Variants in WDCP observed in about 807,000 individuals in gnomAD.
The protein encoded by WDCP is WD repeat and coiled coil containing.
A neutral mutation model predicts 41.6 loss-of-function variants in WDCP; 19 were observed. The observed-to-expected ratio is 0.46, with a 90% CI of 0.32 to 0.67. The LOEUF (loss-of-function observed/expected upper bound fraction) is 0.67, where lower values mean the gene tolerates loss of function less well. Ranked by LOEUF, WDCP falls within the 30% of genes least tolerant of loss-of-function variation. WDCP has a pLI of 0.04. For missense variants in WDCP, 802 were observed against 850.7 expected (o/e 0.94, Z 0.71); for synonymous variants, 302 against 320.8 (o/e 0.94, Z 0.63).
chr2:24,031,825 C>CA (rs545558415), intron 3 of WDCP, among the ~76,000 whole-genome samples: 1,517 of 115,438 alleles, frequency 0.013, 14 homozygotes, highest in South Asian at 0.048. Context: ...GACTCGGTCT[C>CA]AAAAAAAAAA....
chr2:24,037,706 C>G lies in WDCP; in HGVS notation c.1789G>C (p.Asp597His). 6.2e-7 allele frequency: 1 copy of G among 1,613,404 alleles called. No individual in the cohort carries two copies. Residue 597 changes from aspartate to histidine, a missense_variant, in exon 2 of 4, where the codon GAT becomes CAT. By Grantham distance (81) the Asp-to-His change is moderately conservative. Coordinates refer to ENST00000295148, the MANE Select transcript of WDCP (RefSeq NM_025203.3). ...TAAATGATGTGAACATAAGGAAGAT[C>G]TTGAGAGAGTGGATACACTGAAGAG... ...KSSSVYPLSQ[D>H]LPYVHIIYQK...
At chr2:24,043,702 C>T (rs1437111665) in intron 1 of WDCP, among the ~76,000 whole-genome samples, 2 of 152,204 alleles carry the variant, frequency 1.3e-5, no homozygotes, top group African/African-American at 4.8e-5. Flanking sequence ...TTCCCTGTCA[C>T]TGAATCTAAA....
chr2:24,045,640 A>C (rs1663597137), intron 1 of WDCP, among the ~76,000 whole-genome samples: 1 of 134,682 alleles, frequency 7.4e-6, no homozygotes, highest in Admixed American at 7.4e-5. Flanking sequence ...AGAGGAAGGA[A>C]GGAAGGAAGG....
Position 24,030,865 on chromosome 2 carries a change from C to A in WDCP, c.*68G>T. The stretch of plus-strand genomic sequence containing the variant: ...AGTGGGAGTCTCATTGGCGAGTGTC[C>A]AGTGTCAAGCAGGCCTTGTTTGTAA... On this transcript the variant is annotated 3_prime_UTR_variant, in exon 4 of 4. Transcript: ENST00000295148. 8.2e-7 allele frequency: 1 copy of A among 1,217,966 alleles called. No individual in the cohort carries two copies. The highest frequency in any genetic ancestry group is 1.3e-5 in the South Asian group (1 of 74,964). The allele number at this position is 1,217,966 out of a possible 1,614,324, so 75.4% of individuals were successfully genotyped here. A position where few individuals can be genotyped will look rare whatever the true frequency, so the allele number is the denominator to read the frequency against.
At chr2:24,040,170 A>G (rs956628384) in intron 1 of WDCP, among the ~76,000 whole-genome samples, 6 of 152,274 alleles carry the variant, frequency 3.9e-5, no homozygotes, top group Non-Finnish European at 7.4e-5. Context: ...TATTATTTAA[A>G]TAAGCATGTT....
intron 2 of WDCP, among the ~76,000 whole-genome samples, chr2:24,034,873 C>T (rs1264149705): frequency 6.6e-6 from 1 of 151,828 alleles, no homozygotes; most frequent in East Asian, 1.9e-4. Flanking sequence ...CTGTGCCTGG[C>T]CAAACATGGT....
chr2:24,043,104 C>A (rs1374293877), intron 1 of WDCP, among the ~76,000 whole-genome samples: 1 of 151,616 alleles, frequency 6.6e-6, no homozygotes, highest in East Asian at 1.9e-4. Flanking sequence ...CAGGCCAAGG[C>A]GGGTGGATCA....
At chr2:24,034,016 C>A (rs114425562) in intron 2 of WDCP, among the ~76,000 whole-genome samples, 310 of 152,288 alleles carry the variant, frequency 2.0e-3, no homozygotes, top group Non-Finnish European at 3.2e-3. Context: ...ATTTATTTCA[C>A]GTCTTATGAA....
rs10205978 is a variant in WDCP, at chr2:24,041,109, C to T, written c.-18-1597G>A. ...ATCCCAGCACTTTGGGAGGCTGAGG[C>T]GGGTGGATCACCTGAGGTCAGGAGT... On this transcript the variant is annotated intron_variant, in intron 1 of 3. Transcript: ENST00000295148. Among the ~76,000 whole-genome samples, 375 of 152,100 alleles carry T rather than the reference C, an allele frequency of 2.5e-3. 2 individuals are homozygous for T. The highest frequency in any genetic ancestry group is 8.5e-3 in the African/African-American group (353 of 41,516).
intron 1 of WDCP, among the ~76,000 whole-genome samples, chr2:24,044,270 T>C (rs1357205292): frequency 6.6e-6 from 1 of 151,954 alleles, no homozygotes; most frequent in Non-Finnish European, 1.5e-5. Context: ...ACTGAGGTTT[T>C]TTTTTGGGGG....
intron 2 of WDCP, among the ~76,000 whole-genome samples, chr2:24,036,575 C>T (rs1663263732): frequency 6.6e-6 from 1 of 152,182 alleles, no homozygotes; most frequent in Admixed American, 6.5e-5. Context: ...TGCATTTCTA[C>T]TTCTGGGAAC....
chr2:24,042,204 C>A (rs925466735), intron 1 of WDCP, among the ~76,000 whole-genome samples: 1 of 151,716 alleles, frequency 6.6e-6, no homozygotes, highest in South Asian at 2.1e-4. Context: ...GAGCTCAAAA[C>A]CAGCCTGACC....
At chr2:24,031,298 C>G in intron 3 of WDCP, 136 bp from the exon 4 acceptor site, 1 of 644,886 alleles carries the variant, frequency 1.6e-6, no homozygotes. Flanking sequence ...TAAGATTTTA[C>G]AGAGAATGGG....
Position 24,043,033 on chromosome 2 carries a change from C to CAA in WDCP, c.-18-3523_-18-3522dup, listed in dbSNP as rs138929912. 3.7e-3 allele frequency among the ~76,000 whole-genome samples: 502 copies of CAA among 134,966 alleles called. 2 individuals are homozygous for CAA. The highest frequency in any genetic ancestry group is 8.2e-3 in the African/African-American group (296 of 36,124). 88.5% of individuals were successfully genotyped at this position (134,966 alleles called of 152,430 possible). A position where few individuals can be genotyped will look rare whatever the true frequency, so the allele number is the denominator to read the frequency against. On this transcript the variant is annotated intron_variant, in intron 1 of 3. Coordinates refer to ENST00000295148, the MANE Select transcript of WDCP (RefSeq NM_025203.3). ...GGGCAAAAAGAGTGAAACTCCGTCT[C>CAA]AAAAAAAAAAAAAAAAATTACTGGG...
intron 3 of WDCP, among the ~76,000 whole-genome samples, chr2:24,032,201 G>A (rs921580882): frequency 2.6e-5 from 4 of 152,106 alleles, no homozygotes; most frequent in Non-Finnish European, 4.4e-5. Context: ...GTGAGACCCC[G>A]TTATCTACAA....
chr2:24,031,988 G>A (rs1357312379), intron 3 of WDCP, among the ~76,000 whole-genome samples: 1 of 152,168 alleles, frequency 6.6e-6, no homozygotes, highest in Non-Finnish European at 1.5e-5. Flanking sequence ...AACTTTTCCA[G>A]CTAGGCTGTA....
Sources: gnomAD v4.1 joint callset for allele counts (sites outside exome capture counted in the v4.1 genomes callset) on GRCh38, gnomAD v4.1.1 for gene constraint, MANE v1.5 for transcripts, NCBI Gene and HGNC (gene_info 2026-07-23, HGNC 2026-07-21) for gene names.